ARMC2: variants seen among roughly 807,000 people sequenced by gnomAD.
ARMC2 encodes the protein armadillo repeat-containing protein 2.
ARMC2 carries 67 observed loss-of-function variants against 90.3 expected under a neutral mutation model. The ratio of observed to expected loss-of-function variants is 0.74; its 90% CI spans 0.61 to 0.91. The LOEUF is 0.91. Ranked by LOEUF, ARMC2 falls within the 40% of genes least tolerant of loss-of-function variation. ARMC2 has a pLI of 0.00. For synonymous variants in ARMC2, 393 were observed against 393.0 expected (o/e 1.00, Z 0.00); for missense variants, 920 against 1,030.9 (o/e 0.89, Z 1.47).
At chr6:109,038,440 T>C in the ARMC2 span, among the ~76,000 whole-genome samples, 2 of 152,208 alleles carry the variant, frequency 1.3e-5, no homozygotes, top group Admixed American at 6.5e-5. Context: ...TGCAGTGAGC[T>C]GAGCTGAGAT....
chr6:109,004,983 A>G, the ARMC2 span, among the ~76,000 whole-genome samples: 1 of 152,202 alleles, frequency 6.6e-6, no homozygotes, highest in African/African-American at 2.4e-5. Context: ...TATAGAGAAT[A>G]TATTACTACA....
chr6:108,879,625 A>C (rs904369005), intron 5 of ARMC2, among the ~76,000 whole-genome samples: 5 of 147,420 alleles, frequency 3.4e-5, no homozygotes, highest in Admixed American at 2.8e-4. Flanking sequence ...CATCCATGGA[A>C]TCTCTTTCAA....
At chr6:108,988,491 A>C in the ARMC2 span, 3 of 1,505,210 alleles carry the variant, frequency 2.0e-6, no homozygotes, top group Admixed American at 4.0e-5. Context: ...GGTGAAGGAG[A>C]CTACGAATCA....
chr6:108,985,617 T>G, the ARMC2 span, among the ~76,000 whole-genome samples: 5 of 152,224 alleles, frequency 3.3e-5, no homozygotes, highest in African/African-American at 9.6e-5. Flanking sequence ...TTCTAAGTGA[T>G]TATAAGTTCC....
At chr6:108,985,087 C>T in the ARMC2 span, among the ~76,000 whole-genome samples, 1 of 152,058 alleles carries the variant, frequency 6.6e-6, no homozygotes, top group East Asian at 1.9e-4. Context: ...TACAAATATG[C>T]TAGTAACATT....
At chr6:108,862,737 C>T (rs1775404620) in intron 3 of ARMC2, among the ~76,000 whole-genome samples, 1 of 152,086 alleles carries the variant, frequency 6.6e-6, no homozygotes. Context: ...AGTTAAGGGA[C>T]ACATTTGCTG....
the ARMC2 span, chr6:108,999,921 G>T: frequency 4.6e-5 from 7 of 152,098 alleles, no homozygotes; most frequent in East Asian, 1.4e-3. Flanking sequence ...ACAAACTATG[G>T]CATAACTATA....
chr6:108,886,627 C>A (rs905751708), intron 5 of ARMC2, among the ~76,000 whole-genome samples: 4 of 152,174 alleles, frequency 2.6e-5, no homozygotes, highest in African/African-American at 2.4e-5. Flanking sequence ...GGCCATCCAT[C>A]TGGTTTTTGT....
At chr6:108,963,490 G>A (rs911409866) in intron 15 of ARMC2, among the ~76,000 whole-genome samples, 2 of 152,196 alleles carry the variant, frequency 1.3e-5, no homozygotes, top group Admixed American at 1.3e-4. Context: ...TAACAGGGCC[G>A]GGGCTAGAAC....
intron 11 of ARMC2, among the ~76,000 whole-genome samples, chr6:108,935,782 G>A (rs955523665): frequency 6.6e-6 from 1 of 152,002 alleles, no homozygotes; most frequent in African/African-American, 2.4e-5. Context: ...TTTATTACTC[G>A]TATTTAAGTA....
chr6:109,007,045 C>G, the ARMC2 span, among the ~76,000 whole-genome samples: 5 of 152,192 alleles, frequency 3.3e-5, no homozygotes, highest in African/African-American at 4.8e-5. Context: ...GAAGGTGTGG[C>G]TGGAAGATTA....
chr6:109,049,661 G>A, the ARMC2 span, among the ~76,000 whole-genome samples: 1 of 150,766 alleles, frequency 6.6e-6, no homozygotes, highest in East Asian at 1.9e-4. Flanking sequence ...TTATGTGTCA[G>A]TTAAAAAATA....
At chr6:108,985,586 C>A in the ARMC2 span, among the ~76,000 whole-genome samples, 1 of 152,166 alleles carries the variant, frequency 6.6e-6, no homozygotes, top group African/African-American at 2.4e-5. Context: ...TTTTTTAACT[C>A]ATTAAAATTT....
chr6:108,866,065 G>A (rs1327224559), intron 3 of ARMC2, among the ~76,000 whole-genome samples: 1 of 150,380 alleles, frequency 6.6e-6, no homozygotes, highest in African/African-American at 2.4e-5. Context: ...CAGTTTGGGT[G>A]TCTGTAGAAG....
chr6:108,889,062 T>A (rs1484494560), intron 5 of ARMC2, among the ~76,000 whole-genome samples: 1 of 152,188 alleles, frequency 6.6e-6, no homozygotes, highest in Admixed American at 6.5e-5. Flanking sequence ...TCAGTATCAG[T>A]CTGCTTATGC....
rs543077443 is a variant in ARMC2, at chr6:108,884,194, GAGAT to G, written c.671+7848_671+7851del. ...GCAATGCCCTGTGCTGAGGGGTTGA[GAGAT>G]AGAAGAGTGGACCCTGTCCATGAAG... is the stretch of plus-strand genomic sequence containing the variant. On this transcript the variant is annotated intron_variant, in intron 5 of 17. Coordinates refer to ENST00000392644, the MANE Select transcript of ARMC2 (RefSeq NM_032131.6). Among the ~76,000 whole-genome samples the G allele has an allele frequency of 9.2e-4, 140 of 152,262 alleles. 1 individual carries two copies. The highest frequency in any genetic ancestry group is 3.4e-3 in the Middle Eastern group (1 of 294).
rs749301782 is a variant in ARMC2 at position 108,962,076 on chromosome 6, G to A, written c.2101G>A (p.Gly701Arg). The A allele has an allele frequency of 6.2e-6, 10 of 1,613,222 alleles. No individual in the cohort carries two copies. Among genetic ancestry groups the A allele is most frequent in the Admixed American group, 3.3e-5 (2 of 59,928 alleles). ...AATCCTGGAGGCTGTGCGTGTTTTC[G>A]GAAATCTCTCCCAGGACCATGATGT... is the stretch of plus-strand genomic sequence containing the variant. ...DGILEAVRVF[G>R]NLSQDHDVCD... The change falls in exon 15 of 18, where the codon GGA becomes AGA. Residue 701 changes from glycine (G) to arginine (R), a missense_variant. Coordinates refer to ENST00000392644, the MANE Select transcript of ARMC2 (RefSeq NM_032131.6).
chr6:108,944,507 C>A (rs940271577), intron 12 of ARMC2, among the ~76,000 whole-genome samples: 2 of 152,170 alleles, frequency 1.3e-5, no homozygotes, highest in East Asian at 3.9e-4. Flanking sequence ...TCCTCAGGAC[C>A]CTTAGAGCCG....
chr6:108,926,226 G>A (rs564846544), intron 10 of ARMC2, among the ~76,000 whole-genome samples: 2 of 152,294 alleles, frequency 1.3e-5, no homozygotes, highest in South Asian at 4.1e-4. Flanking sequence ...CATGATGTCT[G>A]TCTGCATGGG....
Sources: gnomAD v4.1 joint callset for allele counts (sites outside exome capture counted in the v4.1 genomes callset) on GRCh38, gnomAD v4.1.1 for gene constraint, MANE v1.5 for transcripts, NCBI Gene and HGNC (gene_info 2026-07-23, HGNC 2026-07-21) for gene names.